CDCP1: variants seen among roughly 807,000 people sequenced by gnomAD.
The protein encoded by CDCP1 is CUB domain containing protein 1, also known as CUB domain-containing protein 1.
A neutral mutation model predicts 60.2 loss-of-function variants in CDCP1; 29 were observed. That is an observed-to-expected ratio of 0.48 (90% confidence interval 0.36 to 0.66). CDCP1 has a LOEUF of 0.66. Among genes scored for constraint, CDCP1 ranks in the 30% least tolerant of loss-of-function variants. CDCP1 has a pLI of 0.00. For synonymous variants in CDCP1, 387 were observed against 431.1 expected (o/e 0.90, Z 1.27); for missense variants, 876 against 1,074.3 (o/e 0.82, Z 2.58).
intron 7 of CDCP1, among the ~76,000 whole-genome samples, chr3:45,090,507 C>G (rs1205340086): frequency 6.6e-6 from 1 of 152,188 alleles, no homozygotes; most frequent in African/African-American, 2.4e-5. Flanking sequence ...ATTCATGACA[C>G]CGAATCCCAT....
chr3:45,102,106 C>T (rs746631751), intron 4 of CDCP1, among the ~76,000 whole-genome samples: 22 of 151,954 alleles, frequency 1.4e-4, no homozygotes, highest in Admixed American at 3.9e-4. Flanking sequence ...GAGTCTTGCT[C>T]TATTACCCAG....
chr3:45,139,183 A>G (rs903656312), intron 1 of CDCP1, among the ~76,000 whole-genome samples: 3 of 152,220 alleles, frequency 2.0e-5, no homozygotes, highest in Admixed American at 2.0e-4. Flanking sequence ...AAATTTCAAC[A>G]TGAGATTTGG....
In CDCP1 at chr3:45,138,592, C is replaced by G. The variant is rs866427483; in HGVS notation, c.82+7614G>C. 1.4e-4 allele frequency among the ~76,000 whole-genome samples: 22 copies of G among 152,284 alleles called. 1 individual carries two copies. The highest frequency in any genetic ancestry group is 1.2e-3 in the South Asian group (6 of 4,830). The stretch of plus-strand genomic sequence containing the variant: ...TTGCGGTGGCTCATTCCTTTAATCC[C>G]GGCACTTTGGGAGGCTGAGGCCGAG... On this transcript the variant is annotated intron_variant, in intron 1 of 8. Transcript: ENST00000296129.
chr3:45,132,589 T>C (rs991458308), intron 1 of CDCP1, among the ~76,000 whole-genome samples: 1 of 23,162 alleles, frequency 4.3e-5, no homozygotes, highest in Non-Finnish European at 3.0e-4. Flanking sequence ...TAATACTCCC[T>C]GCTTCTGTGC....
chr3:45,137,068 A>G (rs1699202324), intron 1 of CDCP1, among the ~76,000 whole-genome samples: 2 of 152,244 alleles, frequency 1.3e-5, no homozygotes, highest in African/African-American at 4.8e-5. Flanking sequence ...CACACAATAA[A>G]GTAAAACAAA....
intron 1 of CDCP1, among the ~76,000 whole-genome samples, chr3:45,144,972 C>T (rs1186217019): frequency 1.3e-5 from 2 of 151,818 alleles, no homozygotes; most frequent in African/African-American, 4.8e-5. Flanking sequence ...CAGTGAAACC[C>T]TGTCTCTACT....
At chr3:45,096,675 A>G (rs1698405118) in intron 4 of CDCP1, among the ~76,000 whole-genome samples, 1 of 151,818 alleles carries the variant, frequency 6.6e-6, no homozygotes, top group Admixed American at 6.6e-5. Context: ...CTAAATATAA[A>G]TATTGAGCAG....
intron 1 of CDCP1, among the ~76,000 whole-genome samples, chr3:45,125,598 C>T (rs1698963957): frequency 1.3e-5 from 2 of 152,222 alleles, no homozygotes. Flanking sequence ...TAGCATATTA[C>T]AACTACTACT....
At chr3:45,143,327 T>C (rs375597734) in intron 1 of CDCP1, among the ~76,000 whole-genome samples, 9 of 152,378 alleles carry the variant, frequency 5.9e-5, no homozygotes, top group African/African-American at 2.2e-4. Context: ...TAATGGTTCA[T>C]CCTTTCATGT....
intron 4 of CDCP1, among the ~76,000 whole-genome samples, chr3:45,100,919 G>A (rs1698476387): frequency 6.6e-6 from 1 of 152,186 alleles, no homozygotes; most frequent in African/African-American, 2.4e-5. Context: ...AATCAGCTGA[G>A]GCTAAATTAT....
chr3:45,136,453 C>T (rs1699192431), intron 1 of CDCP1, among the ~76,000 whole-genome samples: 1 of 152,206 alleles, frequency 6.6e-6, no homozygotes, highest in African/African-American at 2.4e-5. Flanking sequence ...CCTCATTCCA[C>T]TATATTCTGC....
chr3:45,091,567 G>T lies in CDCP1; in HGVS notation c.1628-29C>A, dbSNP rs1439241072. On this transcript the variant is annotated intron_variant, in intron 6 of 8. Transcript: ENST00000296129. This position sits in a 1 kb window ranked among gnomAD's most constrained non-coding sequence, Gnocchi z 4.8. ...CAGGAAAGGGAGGGAGATCCAGACA[G>T]ATGTTTCATTCAGTCAACATGGAGA... 7.0e-6 allele frequency: 11 copies of T among 1,565,308 alleles called. No individual in the cohort carries two copies. The highest frequency in any genetic ancestry group is 9.5e-6 in the Non-Finnish European group (11 of 1,158,830).
chr3:45,137,989 C>T (rs904659628), intron 1 of CDCP1, among the ~76,000 whole-genome samples: 11 of 152,256 alleles, frequency 7.2e-5, no homozygotes, highest in African/African-American at 2.6e-4. Flanking sequence ...GGAGATCTAG[C>T]TCTAGTTTCA....
intron 1 of CDCP1, among the ~76,000 whole-genome samples, chr3:45,137,739 G>GA (rs1404814687): frequency 6.7e-6 from 1 of 149,732 alleles, no homozygotes; most frequent in Non-Finnish European, 1.5e-5. Flanking sequence ...AGAATTGCCG[G>GA]AACCTGGGAG....
rs1234353405 is a variant in CDCP1, at chr3:45,083,822, T to A, written c.*1816A>T. ...TATTTGGGAGGCTGAGGTGGGAGAA[T>A]TGCTTGAGCCCAGGAGGCAGAGGTT... On this transcript the variant is annotated 3_prime_UTR_variant, in exon 9 of 9. Transcript: ENST00000296129. 1 of 151,522 alleles carries A rather than the reference T, an allele frequency of 6.6e-6. No homozygotes were observed. Among genetic ancestry groups the A allele is most frequent in the African/African-American group, 2.4e-5 (1 of 41,194 alleles). 9.4% of individuals were successfully genotyped at this position (151,522 alleles called of 1,614,324 possible).
chr3:45,145,459 A>C (rs1401259207), intron 1 of CDCP1, among the ~76,000 whole-genome samples: 1 of 152,096 alleles, frequency 6.6e-6, no homozygotes, highest in Non-Finnish European at 1.5e-5. Flanking sequence ...CCCTTCCCCC[A>C]ACCGAAACAA....
intron 1 of CDCP1, among the ~76,000 whole-genome samples, chr3:45,145,622 T>C (rs1411098157): frequency 6.6e-6 from 1 of 152,218 alleles, no homozygotes; most frequent in Non-Finnish European, 1.5e-5. Context: ...CCGGGCGCTT[T>C]CATTTTTGCA....
intron 1 of CDCP1, among the ~76,000 whole-genome samples, chr3:45,120,062 A>G (rs1698856102): frequency 6.6e-6 from 1 of 152,200 alleles, no homozygotes; most frequent in Non-Finnish European, 1.5e-5. Context: ...AGAATAGGCC[A>G]TGATTTATTT....
chr3:45,103,833 T>C (rs1520081), intron 4 of CDCP1, among the ~76,000 whole-genome samples: 46,811 of 152,194 alleles, frequency 0.31, 8,229 homozygotes, highest in East Asian at 0.54. Flanking sequence ...GCCATGCTTC[T>C]TGGACTTTCC....
Sources: allele counts gnomAD v4.1 joint callset (sites outside exome capture counted in the v4.1 genomes callset), GRCh38; gene constraint gnomAD v4.1.1; non-coding constraint Gnocchi (gnomAD v3.1); transcripts MANE v1.5; gene names NCBI Gene and HGNC (gene_info 2026-07-23, HGNC 2026-07-21).